The following PIWIL1 variants were observed in gnomAD, a reference collection of about 807,000 sequenced individuals.
The protein encoded by PIWIL1 is piwi-like protein 1.
PIWIL1 carries 73 observed loss-of-function variants against 114.4 expected under a neutral mutation model. That is an observed-to-expected ratio of 0.64 (90% CI 0.53 to 0.78). PIWIL1 has a LOEUF of 0.78. Ranked by LOEUF, PIWIL1 falls within the 30% of genes least tolerant of loss-of-function variation. The probability of loss-of-function intolerance (pLI) is 0.00; values close to 1 mark genes in which losing one functional copy is unlikely to be tolerated. For synonymous variants in PIWIL1, 375 were observed against 369.0 expected (o/e 1.02, Z -0.19); for missense variants, 723 against 1,063.1 (o/e 0.68, Z 4.45).
intron 8 of PIWIL1, 55 bp downstream of exon 8, chr12:130,349,491 C>G (rs2073156446): frequency 8.7e-7 from 1 of 1,145,528 alleles, no homozygotes; most frequent in African/African-American, 1.5e-5. Flanking sequence ...AGTATTGTGG[C>G]TTTCTAGTTC....
Position 130,361,529 on chromosome 12 carries a change from G to C in PIWIL1, c.1898G>C (p.Cys633Ser), listed in dbSNP as rs1593113372. The part of the protein sequence containing the change: ...LKLVMIVGID[C>S]YHDMTAGRRS... ...CTCGTGATGATCGTTGGCATCGATT[G>C]TTACCATGACATGACAGCTGGGCGG... The change falls in exon 16 of 21, where the codon TGT becomes TCT. Residue 633 changes from cysteine to serine, a missense_variant. Physicochemically the swap from Cys to Ser is moderately radical, Grantham distance 112. Transcript: ENST00000245255. 6.2e-7 allele frequency: 1 copy of C among 1,614,226 alleles called. No homozygotes were observed. Among genetic ancestry groups the C allele is most frequent in the Non-Finnish European group, 8.5e-7 (1 of 1,180,042 alleles).
chr12:130,340,999 T>A (rs1310075224), intron 1 of PIWIL1, among the ~76,000 whole-genome samples: 1 of 152,164 alleles, frequency 6.6e-6, no homozygotes, highest in Non-Finnish European at 1.5e-5. Context: ...AAAAATGGCA[T>A]TAGATTTATC....
At chr12:130,416,873 A>C in the PIWIL1 span, among the ~76,000 whole-genome samples, 1 of 152,194 alleles carries the variant, frequency 6.6e-6, no homozygotes, top group Non-Finnish European at 1.5e-5. Context: ...ACAAGCAAAA[A>C]ATGACTCCAT....
At chr12:130,340,522 C>G (rs2072880981) in intron 1 of PIWIL1, among the ~76,000 whole-genome samples, 1 of 151,766 alleles carries the variant, frequency 6.6e-6, no homozygotes, top group Non-Finnish European at 1.5e-5. Flanking sequence ...CTCCACTGAT[C>G]TAACAGGAGG....
At chr12:130,368,212 C>T (rs1353871562) in intron 19 of PIWIL1, among the ~76,000 whole-genome samples, 1 of 152,160 alleles carries the variant, frequency 6.6e-6, no homozygotes, top group African/African-American at 2.4e-5. Context: ...TGACACTGTA[C>T]TCAGGACAGC....
chr12:130,412,209 A>G, the PIWIL1 span, among the ~76,000 whole-genome samples: 3 of 152,230 alleles, frequency 2.0e-5, no homozygotes, highest in African/African-American at 7.2e-5. Context: ...TGCCTCTTGG[A>G]TAAGCAAAGG....
At chr12:130,389,467 TATC>T in the PIWIL1 span, among the ~76,000 whole-genome samples, 55 of 152,120 alleles carry the variant, frequency 3.6e-4, no homozygotes, top group Non-Finnish European at 1.8e-4. Context: ...CATTTGTACT[TATC>T]ATTTTTTTAA....
rs116116194 is a variant in PIWIL1, at chr12:130,360,429, T to C, written c.1666-751T>C. 4.7e-3 allele frequency among the ~76,000 whole-genome samples: 717 copies of C among 152,086 alleles called. 4 individuals are homozygous for C. Among genetic ancestry groups the C allele is most frequent in the African/African-American group, 0.017 (689 of 41,500 alleles). The stretch of plus-strand genomic sequence containing the variant: ...GGCAGGCGGATCACAAGTCAGGAGA[T>C]TGAGAACATCTTGGCCGACACAATG... On this transcript the variant is annotated intron_variant, in intron 14 of 20. Transcript: ENST00000245255.
Position 130,348,090 on chromosome 12 carries a change from T to C in PIWIL1, c.654-13T>C. The C allele has an allele frequency of 6.4e-7, 1 of 1,553,532 alleles. No individual in the cohort carries two copies. The highest frequency in any genetic ancestry group is 1.1e-5 in the South Asian group (1 of 89,050). On this transcript the variant is annotated splice_polypyrimidine_tract_variant and intron_variant, in intron 6 of 20. Transcript: ENST00000245255. Reference sequence around the variant, plus strand: ...ACTTATCAATATTCACTCTCTGACCTTTCCATTTCTAGGCTTTTGAAAATC... The same window carrying C: ...ACTTATCAATATTCACTCTCTGACCCTTCCATTTCTAGGCTTTTGAAAATC...
chr12:130,372,072 A>G lies in PIWIL1; in HGVS notation c.*474A>G, dbSNP rs888641268. ...TGGGGTTTCAGCTCATATCTTAAAG[A>G]TAAAAGGTACTATTATATAACCTAT... On this transcript the variant is annotated 3_prime_UTR_variant, in exon 21 of 21. Transcript: ENST00000245255. The G allele has an allele frequency of 6.5e-6, 1 of 152,892 alleles. No individual in the cohort carries two copies. The highest frequency in any genetic ancestry group is 2.4e-5 in the African/African-American group (1 of 41,466). The allele number at this position is 152,892 out of a possible 1,614,324, so 9.5% of individuals were successfully genotyped here.
At chr12:130,376,983 T>C (rs2073871603), downstream of PIWIL1, among the ~76,000 whole-genome samples, 1 of 152,182 alleles carries the variant, frequency 6.6e-6, no homozygotes, top group Non-Finnish European at 1.5e-5. Flanking sequence ...TCCCGTGTGT[T>C]CCTTCAGGTC....
At chr12:130,363,612 CTTTTTTTTT>C (rs34198016) in intron 18 of PIWIL1, among the ~76,000 whole-genome samples, 2 of 82,382 alleles carry the variant, frequency 2.4e-5, no homozygotes, top group African/African-American at 1.0e-4. Flanking sequence ...TACTTTCTCC[CTTTTTTTTT>C]TTTTTTTTTT....
the PIWIL1 span, among the ~76,000 whole-genome samples, chr12:130,378,836 A>T: frequency 1.3e-5 from 2 of 152,198 alleles, no homozygotes; most frequent in African/African-American, 4.8e-5. Flanking sequence ...TTGTTTATGT[A>T]TTCTGGATAC....
intron 14 of PIWIL1, among the ~76,000 whole-genome samples, chr12:130,359,956 C>T (rs1000334618): frequency 1.3e-5 from 2 of 152,096 alleles, no homozygotes; most frequent in Non-Finnish European, 2.9e-5. Context: ...ATATCCTTGG[C>T]TATTTTAAAA....
intron 1 of PIWIL1, among the ~76,000 whole-genome samples, chr12:130,339,291 C>T (rs1022292465): frequency 6.6e-6 from 1 of 152,172 alleles, no homozygotes; most frequent in African/African-American, 2.4e-5. Context: ...GATGGATGCT[C>T]TCGCCGTCTT....
chr12:130,357,180 C>A, intron 13 of PIWIL1, 75 bp downstream of exon 13: 1 of 1,173,446 alleles, frequency 8.5e-7, no homozygotes, highest in African/African-American at 1.5e-5. Context: ...ATTAAACATA[C>A]AAACTACGTT....
intron 6 of PIWIL1, 112 bp downstream of exon 6, chr12:130,347,174 A>G (rs2073092222): frequency 3.7e-6 from 3 of 800,262 alleles, no homozygotes; most frequent in Non-Finnish European, 6.0e-6. Flanking sequence ...GGGATTATTG[A>G]GTTTCTCTGT....
At chr12:130,340,207 C>A (rs1049203421) in intron 1 of PIWIL1, among the ~76,000 whole-genome samples, 6 of 152,068 alleles carry the variant, frequency 3.9e-5, no homozygotes, top group African/African-American at 1.4e-4. Context: ...GCTTTGTTAG[C>A]AGAGGGTGTG....
intron 12 of PIWIL1, among the ~76,000 whole-genome samples, 200 bp from the exon 13 acceptor site, chr12:130,356,718 T>A (rs966891899): frequency 6.6e-6 from 1 of 152,194 alleles, no homozygotes; most frequent in Non-Finnish European, 1.5e-5. Context: ...ATGAGTGTAT[T>A]TTAAGTAAAA....
Sources: allele counts gnomAD v4.1 joint callset (sites outside exome capture counted in the v4.1 genomes callset), GRCh38; gene constraint gnomAD v4.1.1; transcripts MANE v1.5; gene names NCBI Gene and HGNC (gene_info 2026-07-23, HGNC 2026-07-21).